Variants in TRRAP observed in about 807,000 individuals in gnomAD.
The protein encoded by TRRAP is transformation/transcription domain associated protein.
Under a neutral mutation model 438.8 loss-of-function variants are expected in TRRAP, and 41 were observed. That is an observed-to-expected ratio of 0.09 (90% CI 0.07 to 0.12). The LOEUF is 0.12. TRRAP is among the 10% of genes least tolerant of loss of function. TRRAP has a pLI of 1.00. For missense variants in TRRAP, 3,122 were observed against 5,055.1 expected (o/e 0.62, Z 11.60); for synonymous variants, 1,994 against 1,962.9 (o/e 1.02, Z -0.42).
intron 18 of TRRAP, among the ~76,000 whole-genome samples, chr7:98,914,978 C>G (rs1046196122): frequency 6.6e-6 from 1 of 150,498 alleles, no homozygotes; most frequent in Non-Finnish European, 1.5e-5. Flanking sequence ...CATATCAAAA[C>G]CAGGATTTGA....
chr7:98,942,819 C>T (rs1162586768), intron 30 of TRRAP, 130 bp from the exon 31 acceptor site: 36 of 942,386 alleles, frequency 3.8e-5, no homozygotes, highest in Middle Eastern at 2.3e-4. Flanking sequence ...TAGATGGTTG[C>T]GCTGTTTTAA....
intron 69 of TRRAP, among the ~76,000 whole-genome samples, chr7:99,007,497 C>T (rs571977054): frequency 5.9e-5 from 9 of 151,736 alleles, no homozygotes; most frequent in Middle Eastern, 3.4e-3. Context: ...TACAGGTGCG[C>T]ACCACCACGC....
chr7:99,003,444 T>A (rs1794021865), intron 67 of TRRAP, among the ~76,000 whole-genome samples: 1 of 152,190 alleles, frequency 6.6e-6, no homozygotes, highest in Non-Finnish European at 1.5e-5. Context: ...TAGGGCTCCG[T>A]GTGACACTTG....
At chr7:98,925,373 A>G in intron 22 of TRRAP, 110 bp downstream of exon 22, 1 of 1,434,886 alleles carries the variant, frequency 7.0e-7, no homozygotes, top group Admixed American at 2.3e-5. Flanking sequence ...CTTGAAGTCC[A>G]GCAGATGCCA....
intron 24 of TRRAP, 120 bp from the exon 25 acceptor site, chr7:98,930,513 G>A: frequency 7.7e-7 from 1 of 1,300,412 alleles, no homozygotes; most frequent in Non-Finnish European, 1.1e-6. Flanking sequence ...GGGAGATGGA[G>A]GTTGCGGTGA....
intron 60 of TRRAP, 95 bp from the exon 61 acceptor site, chr7:98,983,998 T>G: frequency 1.5e-6 from 2 of 1,330,600 alleles, no homozygotes; most frequent in Non-Finnish European, 2.0e-6. Context: ...TCATAAGCCA[T>G]GTGTGTGTGT....
chr7:98,961,402 G>A lies in TRRAP; in HGVS notation c.6631G>A (p.Gly2211Arg). ...QRGIAACMTCGNTKVLRAVHS... is the reference protein window; with the variant it reads ...QRGIAACMTCRNTKVLRAVHS... ...TGGAATTGCCGCCTGCATGACATGT[G>A]GAAACACCAAGGTGTTGCGAGCCGT... The change falls in exon 46 of 73, where the codon GGA (glycine) becomes AGA (arginine). Residue 2211 changes from glycine (G) to arginine (R), a missense_variant. Transcript: ENST00000456197. 1 of 1,614,210 alleles carries A rather than the reference G, an allele frequency of 6.2e-7. No individual in the cohort carries two copies. The highest frequency in any genetic ancestry group is 8.5e-7 in the Non-Finnish European group (1 of 1,180,052).
intron 62 of TRRAP, among the ~76,000 whole-genome samples, chr7:98,988,523 G>A (rs1410381011): frequency 2.0e-5 from 3 of 152,188 alleles, no homozygotes; most frequent in Non-Finnish European, 2.9e-5. Context: ...ATCACATGGT[G>A]TATGATTCAA....
rs1794438615 is a variant in TRRAP at position 99,011,776 on chromosome 7, A to G, written c.11337+241A>G. 6.6e-6 allele frequency among the ~76,000 whole-genome samples: 1 copy of G among 152,278 alleles called. No homozygotes were observed. The highest frequency in any genetic ancestry group is 2.4e-5 in the African/African-American group (1 of 41,486). Reference sequence around the variant, plus strand: ...ACTCGGCAGATGCCGGAAGGTGTCAAGTGAACAAATAAACAGATTGGGCCT... The same window carrying G: ...ACTCGGCAGATGCCGGAAGGTGTCAGGTGAACAAATAAACAGATTGGGCCT... On this transcript the variant is annotated intron_variant, in intron 72 of 72. Transcript: ENST00000456197. The surrounding 1 kb of genome is among the most constrained non-coding windows in gnomAD (Gnocchi z 7.1).
At chr7:98,973,458 G>A (rs115456576) in intron 53 of TRRAP, among the ~76,000 whole-genome samples, 79 of 152,320 alleles carry the variant, frequency 5.2e-4, no homozygotes, top group African/African-American at 1.9e-3. Flanking sequence ...TATGTTGTGC[G>A]AGGGGTCAGG....
chr7:98,904,310 C>T (rs1358868587), intron 12 of TRRAP, among the ~76,000 whole-genome samples: 1 of 151,534 alleles, frequency 6.6e-6, no homozygotes, highest in East Asian at 2.0e-4. Context: ...GGTGAAACAC[C>T]GTCTCTACTA....
intron 3 of TRRAP, among the ~76,000 whole-genome samples, chr7:98,887,323 G>A (rs782229552): frequency 2.6e-5 from 4 of 152,184 alleles, no homozygotes; most frequent in African/African-American, 4.8e-5. Flanking sequence ...TAACCTGGCA[G>A]TTAGTTCAGT....
chr7:98,953,112 A>C, intron 39 of TRRAP, 55 bp from the exon 40 acceptor site: 1 of 1,575,928 alleles, frequency 6.3e-7, no homozygotes, highest in Non-Finnish European at 8.6e-7. Flanking sequence ...TATGACCCTC[A>C]GTCAGTAACC....
At chr7:98,995,869 A>G (rs944685182) in intron 67 of TRRAP, among the ~76,000 whole-genome samples, 30 of 141,338 alleles carry the variant, frequency 2.1e-4, no homozygotes, top group Non-Finnish European at 7.6e-5. Context: ...TTACACACGC[A>G]TGTCCCATCA....
intron 67 of TRRAP, among the ~76,000 whole-genome samples, chr7:99,001,321 C>T (rs955514456): frequency 1.3e-5 from 2 of 152,222 alleles, no homozygotes; most frequent in Non-Finnish European, 2.9e-5. Flanking sequence ...ATACGTGAAG[C>T]GCTTTCATCT....
At chr7:98,975,682 C>T (rs1279267068) in intron 53 of TRRAP, among the ~76,000 whole-genome samples, 1 of 152,232 alleles carries the variant, frequency 6.6e-6, no homozygotes, top group East Asian at 1.9e-4. Context: ...CTGCAGATTG[C>T]AGAGACTGAA....
chr7:98,934,952 T>C (rs1790491578), intron 27 of TRRAP, among the ~76,000 whole-genome samples: 1 of 152,126 alleles, frequency 6.6e-6, no homozygotes. Flanking sequence ...GGGGGAAAAA[T>C]GATATTAGCC....
rs782331658 is a variant in TRRAP at position 98,958,107 on chromosome 7, G to A, written c.6342+16G>A. 1.9e-5 allele frequency: 31 copies of A among 1,610,728 alleles called. 1 individual carries two copies. The South Asian group carries it at 3.4e-4, about 18-fold the overall frequency. ...GGCCTGTCAGGTACGGGATCCAAGT[G>A]CCCTGCGTTAGGGCTTCTGCAGACC... On this transcript the variant is annotated intron_variant, in intron 44 of 72. Transcript: ENST00000456197.
Position 98,970,280 on chromosome 7 carries a change from T to C in TRRAP, c.7681T>C (p.Ser2561Pro), listed in dbSNP as rs759389434. 44 of 1,611,464 alleles carry C rather than the reference T, an allele frequency of 2.7e-5. No homozygotes were observed. Among genetic ancestry groups the C allele is most frequent in the Non-Finnish European group, 3.6e-5 (42 of 1,179,876 alleles). ...QEPRERENSE[S>P]KEEDVEIDIE... is the part of the protein sequence containing the mutation. ...GCCCCGGGAGCGGGAGAACAGCGAG[T>C]CCAAAGAGGAGGTGAGGCCCTGCAC... is the stretch of plus-strand genomic sequence containing the variant. The change falls in exon 52 of 73, where the codon TCC (serine) becomes CCC (proline). Residue 2561 changes from serine (S) to proline (P), a missense_variant. Ser to Pro is a moderately conservative substitution (Grantham distance 74). Transcript: ENST00000456197.
Sources: gnomAD v4.1 joint callset for allele counts (sites outside exome capture counted in the v4.1 genomes callset) on GRCh38, gnomAD v4.1.1 for gene constraint, Gnocchi (gnomAD v3.1) non-coding constraint, MANE v1.5 for transcripts, NCBI Gene and HGNC (gene_info 2026-07-23, HGNC 2026-07-21) for gene names.